KIAA1549L: variants seen among roughly 807,000 people sequenced by gnomAD.
KIAA1549L encodes the protein KIAA1549 like.
In KIAA1549L, 88 loss-of-function variants were observed where a neutral mutation model predicts 160.7. That is an observed-to-expected ratio of 0.55 (90% CI 0.46 to 0.65). The LOEUF (loss-of-function observed/expected upper bound fraction) is 0.65. KIAA1549L is among the 30% of genes least tolerant of loss of function. The pLI is 0.00. For missense variants in KIAA1549L, 2,258 were observed against 2,437.5 expected (o/e 0.93, Z 1.55); for synonymous variants, 950 against 976.7 (o/e 0.97, Z 0.51).
intron 1 of KIAA1549L, among the ~76,000 whole-genome samples, chr11:33,490,198 G>T (rs1278257484): frequency 6.6e-6 from 1 of 152,152 alleles, no homozygotes; most frequent in Non-Finnish European, 1.5e-5. Flanking sequence ...GTACAACACA[G>T]GACTTGAGTT....
intron 1 of KIAA1549L, among the ~76,000 whole-genome samples, chr11:33,395,444 T>C (rs1043299782): frequency 2.6e-5 from 4 of 152,228 alleles, no homozygotes; most frequent in Non-Finnish European, 5.9e-5. Flanking sequence ...TCAGGATGTT[T>C]CTGGAACTCT....
chr11:33,468,962 G>A (rs973047575), intron 1 of KIAA1549L, among the ~76,000 whole-genome samples: 8 of 152,012 alleles, frequency 5.3e-5, no homozygotes, highest in African/African-American at 1.2e-4. Flanking sequence ...TCAGGACTTC[G>A]TTGGCTCTGG....
chr11:33,616,328 C>T lies in KIAA1549L; in HGVS notation c.5280-2205C>T, dbSNP rs114779604. Among the ~76,000 whole-genome samples the T allele has an allele frequency of 4.6e-3, 701 of 152,244 alleles. 9 individuals carry two copies. Among genetic ancestry groups the T allele is most frequent in the African/African-American group, 0.016 (666 of 41,528 alleles). ...CTTAGAAACCCCAATACCAAGAGAA[C>T]GCCTCTTTCCTAGTTTCCCTAGCAA... On this transcript the variant is annotated intron_variant, in intron 15 of 20. Transcript: ENST00000658780.
chr11:33,667,557 T>A (rs1252234909), intron 20 of KIAA1549L, among the ~76,000 whole-genome samples: 1 of 152,088 alleles, frequency 6.6e-6, no homozygotes, highest in African/African-American at 2.4e-5. Flanking sequence ...CATGCCTGGC[T>A]AATTTTTTTT....
At chr11:33,603,857 T>G (rs1457527738) in intron 13 of KIAA1549L, among the ~76,000 whole-genome samples, 1 of 149,652 alleles carries the variant, frequency 6.7e-6, no homozygotes, top group Non-Finnish European at 1.5e-5. Context: ...GCAGAGCAGA[T>G]GAGGGGAGAG....
intron 1 of KIAA1549L, among the ~76,000 whole-genome samples, chr11:33,507,239 G>A (rs746846304): frequency 6.6e-6 from 1 of 152,138 alleles, no homozygotes; most frequent in Non-Finnish European, 1.5e-5. Context: ...ATGTCTCAGA[G>A]GGTATAGAGT....
chr11:33,606,917 C>T, intron 14 of KIAA1549L, 95 bp downstream of exon 14: 3 of 1,073,276 alleles, frequency 2.8e-6, no homozygotes, highest in Non-Finnish European at 4.0e-6. Flanking sequence ...GTGCAGATTG[C>T]ACCTAGGGCC....
intron 1 of KIAA1549L, among the ~76,000 whole-genome samples, chr11:33,421,677 ATGT>A (rs1258162538): frequency 5.9e-5 from 9 of 152,236 alleles, no homozygotes; most frequent in Non-Finnish European, 1.3e-4. Context: ...TCTGTTCTCC[ATGT>A]TTTGAGGAAG....
At chr11:33,587,893 C>T (rs1338969238) in intron 11 of KIAA1549L, among the ~76,000 whole-genome samples, 3 of 152,184 alleles carry the variant, frequency 2.0e-5, no homozygotes, top group Non-Finnish European at 4.4e-5. Flanking sequence ...GCATAGGAGC[C>T]AGGCCATGTA....
At chr11:33,623,451 T>TATA (rs1296893728) in intron 16 of KIAA1549L, among the ~76,000 whole-genome samples, 3 of 152,214 alleles carry the variant, frequency 2.0e-5, no homozygotes, top group Admixed American at 6.5e-5. Context: ...TAACATGAGC[T>TATA]ATAATAACCC....
chr11:33,442,328 G>A (rs1851526498), intron 1 of KIAA1549L, among the ~76,000 whole-genome samples: 1 of 152,108 alleles, frequency 6.6e-6, no homozygotes, highest in East Asian at 1.9e-4. Flanking sequence ...CTGTAGCCTT[G>A]TAGTATAGTT....
chr11:33,655,871 G>A (rs969465577), intron 17 of KIAA1549L, 141 bp from the exon 18 acceptor site: 1 of 644,786 alleles, frequency 1.6e-6, no homozygotes, highest in African/African-American at 1.8e-5. Flanking sequence ...AACATGTGAG[G>A]GAAGATCTTA....
At chr11:33,549,134 T>A (rs1854366780) in intron 4 of KIAA1549L, among the ~76,000 whole-genome samples, 1 of 151,332 alleles carries the variant, frequency 6.6e-6, no homozygotes, top group East Asian at 1.9e-4. Context: ...TACAGACCAG[T>A]GTGACAATGA....
intron 4 of KIAA1549L, among the ~76,000 whole-genome samples, chr11:33,549,449 A>T (rs1258939630): frequency 6.6e-6 from 1 of 152,236 alleles, no homozygotes; most frequent in East Asian, 1.9e-4. Flanking sequence ...CCTTGGGGTC[A>T]TTAGAAGGGT....
rs1399659879 is a variant in KIAA1549L, at chr11:33,399,245, G to T, written c.238+22356G>T. On this transcript the variant is annotated intron_variant, in intron 1 of 20. Coordinates refer to ENST00000658780, the MANE Select transcript of KIAA1549L (RefSeq NM_012194.3). ...CAGGATTACAGGTGTGAGTCACCAC[G>T]CCCGGCCCAGTTAGTGTTTATAATG... 2.6e-5 allele frequency among the ~76,000 whole-genome samples: 4 copies of T among 152,092 alleles called. 1 individual carries two copies. In the East Asian group the frequency reaches 7.7e-4, roughly 29 times the overall value.
intron 1 of KIAA1549L, among the ~76,000 whole-genome samples, chr11:33,531,364 A>G (rs943781077): frequency 1.1e-4 from 17 of 152,156 alleles, no homozygotes; most frequent in African/African-American, 3.1e-4. Context: ...AGTCCCAGCT[A>G]CTTGGGAGGC....
chr11:33,609,841 T>C lies in KIAA1549L; in HGVS notation c.5154T>C (p.Pro1718=). The C allele has an allele frequency of 6.2e-7, 1 of 1,613,896 alleles. No individual in the cohort carries two copies. Among genetic ancestry groups the C allele is most frequent in the Non-Finnish European group, 8.5e-7 (1 of 1,179,826 alleles). The change falls in exon 15 of 21, where the codon CCT becomes CCC. Residue 1718 remains proline (P), a synonymous_variant. Coordinates refer to ENST00000658780, the MANE Select transcript of KIAA1549L (RefSeq NM_012194.3). ...KAKRKGYYDF[P]AVETSKGLTE... ...AGAGGAAGGGATATTACGACTTCCC[T>C]GCAGTGGAGACGAGCAAGGGTCTGA...
At chr11:33,597,831 G>T (rs1231833734) in intron 12 of KIAA1549L, among the ~76,000 whole-genome samples, 1 of 152,216 alleles carries the variant, frequency 6.6e-6, no homozygotes, top group Non-Finnish European at 1.5e-5. Flanking sequence ...GGAGGAGGGG[G>T]AGCCTGGCTT....
At chr11:33,624,254 C>T (rs1851035573) in intron 16 of KIAA1549L, among the ~76,000 whole-genome samples, 1 of 152,190 alleles carries the variant, frequency 6.6e-6, no homozygotes, top group Non-Finnish European at 1.5e-5. Flanking sequence ...TTCTCTTTAG[C>T]CAAGGGCAGT....
Sources: allele counts gnomAD v4.1 joint callset (sites outside exome capture counted in the v4.1 genomes callset), GRCh38; gene constraint gnomAD v4.1.1; transcripts MANE v1.5; gene names NCBI Gene and HGNC (gene_info 2026-07-23, HGNC 2026-07-21).